Variants in DNPEP observed in about 807,000 individuals in gnomAD.
The protein encoded by DNPEP is aspartyl aminopeptidase.
DNPEP carries 46 observed loss-of-function variants against 59.1 expected under a neutral mutation model. The observed-to-expected ratio is 0.78, with a 90% CI of 0.61 to 0.99. The LOEUF is 0.99. Ranked by LOEUF, DNPEP falls within the 50% of genes least tolerant of loss-of-function variation. DNPEP has a pLI of 0.00. For synonymous variants in DNPEP, 229 were observed against 242.2 expected, an observed-to-expected ratio of 0.95 and a Z score of 0.50; for missense variants, 617 against 649.9, an observed-to-expected ratio of 0.95 and a Z score of 0.55.
At chr2:219,380,793 C>T (rs1230400845) in intron 13 of DNPEP, among the ~76,000 whole-genome samples, 2 of 148,284 alleles carry the variant, frequency 1.3e-5, no homozygotes, top group African/African-American at 2.5e-5. Flanking sequence ...TATGTGTATA[C>T]ACAATACTGT....
intron 1 of DNPEP, among the ~76,000 whole-genome samples, chr2:219,397,778 C>A (rs1250935353): frequency 6.6e-6 from 1 of 152,148 alleles, no homozygotes; most frequent in African/African-American, 2.4e-5. Context: ...TTAGTAGAGA[C>A]AAGGTTTTGC....
Position 219,383,543 on chromosome 2 carries a change from C to G in DNPEP, c.853-329G>C, listed in dbSNP as rs546836545. Reference sequence around the variant, plus strand: ...TAGGTAGAAACCTTTTCAACTGGGACAGGAGACACCATCCTTTGGGTGTTG... The same window carrying G: ...TAGGTAGAAACCTTTTCAACTGGGAGAGGAGACACCATCCTTTGGGTGTTG... On this transcript the variant is annotated intron_variant, in intron 9 of 14. Transcript: ENST00000273075. 1.5e-4 allele frequency among the ~76,000 whole-genome samples: 22 copies of G among 149,404 alleles called. No homozygotes were observed. In the East Asian group the frequency reaches 1.6e-3, roughly 11 times the overall value.
chr2:219,377,099 C>T (rs1028480133), intron 13 of DNPEP, among the ~76,000 whole-genome samples: 3 of 151,824 alleles, frequency 2.0e-5, no homozygotes, highest in East Asian at 3.9e-4. Context: ...TATGGTGAAA[C>T]CCTGTCTCTA....
At chr2:219,396,222 G>T (rs1274276721) in intron 1 of DNPEP, among the ~76,000 whole-genome samples, 1 of 152,114 alleles carries the variant, frequency 6.6e-6, no homozygotes, top group Non-Finnish European at 1.5e-5. Context: ...TATAATGGTG[G>T]TTATGACTCT....
At chr2:219,381,705 C>T (rs1408553927) in intron 11 of DNPEP, 121 bp from the exon 12 acceptor site, 7 of 1,175,714 alleles carry the variant, frequency 6.0e-6, no homozygotes, top group South Asian at 1.2e-5. Flanking sequence ...CCCAGTGGGA[C>T]TTCAGAGTCA....
chr2:219,383,238 G>T, intron 9 of DNPEP, 24 bp from the exon 10 acceptor site: 1 of 1,602,832 alleles, frequency 6.2e-7, no homozygotes, highest in Non-Finnish European at 8.5e-7. Context: ...GGAAATGAGA[G>T]CATCATCTCC....
chr2:219,376,263 A>G (rs901482069), intron 13 of DNPEP, among the ~76,000 whole-genome samples: 5 of 152,094 alleles, frequency 3.3e-5, no homozygotes, highest in African/African-American at 7.2e-5. Flanking sequence ...CAAGGTGTGC[A>G]GATCACATGA....
At chr2:219,397,480 T>G (rs1954118200) in intron 1 of DNPEP, among the ~76,000 whole-genome samples, 1 of 152,146 alleles carries the variant, frequency 6.6e-6, no homozygotes, top group Admixed American at 6.6e-5. Flanking sequence ...ATTCTCGTGC[T>G]TCAGCCTTCC....
intron 1 of DNPEP, among the ~76,000 whole-genome samples, chr2:219,395,262 TGAG>T (rs1954078256): frequency 6.6e-6 from 1 of 152,112 alleles, no homozygotes; most frequent in East Asian, 1.9e-4. Flanking sequence ...TGGGGTCTAT[TGAG>T]GAGAACTTAC....
intron 1 of DNPEP, among the ~76,000 whole-genome samples, chr2:219,395,675 C>T (rs752715843): frequency 7.9e-5 from 12 of 152,236 alleles, no homozygotes; most frequent in Non-Finnish European, 1.6e-4. Flanking sequence ...GCATCTCTTT[C>T]TCTTGCACCC....
chr2:219,398,853 G>A (rs962280349), intron 1 of DNPEP, among the ~76,000 whole-genome samples: 1 of 152,218 alleles, frequency 6.6e-6, no homozygotes, highest in African/African-American at 2.4e-5. Flanking sequence ...AAGGAATGCA[G>A]CTTCTGATGC....
At position 219,386,305 on chromosome 2, in the gene DNPEP, G is replaced by T; in HGVS notation, c.440C>A (p.Ala147Asp). The change falls in exon 5 of 15, where the codon GCT (alanine) becomes GAT (aspartate). Residue 147 changes from alanine (A) to aspartate (D), a missense_variant. Transcript: ENST00000273075. ...STWFDRDLTL[A>D]GRVIVKCPTS... ...TCCCACCTTGACAATGACGCGTCCA[G>T]CCAGAGTCAGGTCACGGTCAAACCA... The T allele has an allele frequency of 6.2e-7, 1 of 1,614,166 alleles. No individual in the cohort carries two copies. The highest frequency in any genetic ancestry group is 8.5e-7 in the Non-Finnish European group (1 of 1,180,014).
intron 11 of DNPEP, 71 bp from the exon 12 acceptor site, chr2:219,381,655 G>A: frequency 6.7e-7 from 1 of 1,490,182 alleles, no homozygotes; most frequent in South Asian, 1.1e-5. Flanking sequence ...ACCCTCCCAT[G>A]GCAGACATCA....
At chr2:219,387,469 C>T (rs969475613) in intron 1 of DNPEP, 2 of 1,433,876 alleles carry the variant, frequency 1.4e-6, no homozygotes, top group African/African-American at 2.9e-5. Flanking sequence ...CTCCGGGATC[C>T]CAAGCGGGCC....
rs966067493 is a variant in DNPEP at position 219,386,545 on chromosome 2, C to A, written c.333+120G>T. ...CTCAAGGTGTGAAGGAAGGGGCCAA[C>A]AAGTTTACCTTCTCCCTTACTCCAG... On this transcript the variant is annotated intron_variant, in intron 4 of 14. Transcript: ENST00000273075. The A allele has an allele frequency of 4.1e-6, 6 of 1,459,944 alleles. No homozygotes were observed. The African/African-American group carries it at 6.9e-5, about 17-fold the overall frequency. The allele number at this position is 1,459,944 out of a possible 1,614,324, so 90.4% of individuals were successfully genotyped here.
intron 9 of DNPEP, among the ~76,000 whole-genome samples, chr2:219,383,787 T>C (rs1439099388): frequency 2.0e-5 from 3 of 152,044 alleles, no homozygotes; most frequent in African/African-American, 7.2e-5. Flanking sequence ...CTGGTCTCAA[T>C]TACAGCCCAA....
intron 13 of DNPEP, among the ~76,000 whole-genome samples, chr2:219,377,487 A>C (rs546379983): frequency 2.6e-5 from 4 of 152,290 alleles, no homozygotes; most frequent in South Asian, 2.1e-4. Flanking sequence ...TTTAAGCAAC[A>C]TATCAGCCAA....
chr2:219,373,093 A>C lies in DNPEP; in HGVS notation c.*1199T>G, dbSNP rs1482056540. 6.8e-6 allele frequency among the ~76,000 whole-genome samples: 1 copy of C among 148,010 alleles called. No homozygotes were observed. The highest frequency in any genetic ancestry group is 1.5e-5 in the Non-Finnish European group (1 of 67,128). On this transcript the variant is annotated 3_prime_UTR_variant, in exon 15 of 15. Coordinates refer to ENST00000273075, the MANE Select transcript of DNPEP (RefSeq NM_012100.4). ...CTTTTTCTTTTTTTTTTTTTGAGAGAGTTTCACCCTTGTTGCCCAGGCTAG... is the reference window on the plus strand; with the variant it reads ...CTTTTTCTTTTTTTTTTTTTGAGAGCGTTTCACCCTTGTTGCCCAGGCTAG...
Position 219,386,359 on chromosome 2 carries a change from T to C in DNPEP, c.386A>G (p.Glu129Gly), listed in dbSNP as rs932871902. 6.2e-7 allele frequency: 1 copy of C among 1,614,060 alleles called. No homozygotes were observed. Among genetic ancestry groups the C allele is most frequent in the Non-Finnish European group, 8.5e-7 (1 of 1,180,034 alleles). The change falls in exon 5 of 15, where the codon GAG becomes GGG. Residue 129 changes from glutamate (E) to glycine (G), a missense_variant. By Grantham distance (98) the Glu-to-Gly change is moderately conservative. Transcript: ENST00000273075. Reference sequence around the variant, plus strand: ...GCTCCAGATCCCACCACCATAGGTCTCCACACCGACTTGCTGGAAGCCCAC... The same window carrying C: ...GCTCCAGATCCCACCACCATAGGTCCCCACACCGACTTGCTGGAAGCCCAC... The part of the protein sequence containing the change: ...SQVGFQQVGV[E>G]TYGGGIWSTW...
Sources: gnomAD v4.1 joint callset for allele counts (sites outside exome capture counted in the v4.1 genomes callset) on GRCh38, gnomAD v4.1.1 for gene constraint, MANE v1.5 for transcripts, NCBI Gene and HGNC (gene_info 2026-07-23, HGNC 2026-07-21) for gene names.